The following AKNAD1 variants were observed in gnomAD, a reference collection of about 807,000 sequenced individuals.
The protein encoded by AKNAD1 is protein AKNAD1.
A neutral mutation model predicts 90.8 loss-of-function variants in AKNAD1; 67 were observed. The observed-to-expected ratio is 0.74, with a 90% CI of 0.61 to 0.90. The LOEUF is 0.90. Ranked by LOEUF, AKNAD1 falls within the 40% of genes least tolerant of loss-of-function variation. The pLI, the probability that AKNAD1 is intolerant of heterozygous loss-of-function variation, is 0.00. For missense variants in AKNAD1, 957 were observed against 975.4 expected (o/e 0.98, Z 0.25); for synonymous variants, 327 against 341.4 (o/e 0.96, Z 0.46).
intron 1 of AKNAD1, 22 bp from the exon 2 acceptor site, chr1:108,852,789 T>G (rs934522915): frequency 1.2e-6 from 1 of 814,716 alleles, no homozygotes; most frequent in Non-Finnish European, 1.8e-6. Context: ...GAGAACAGCC[T>G]CATTGTTAAA....
chr1:108,850,227 A>G (rs1664809683), intron 2 of AKNAD1, among the ~76,000 whole-genome samples: 1 of 152,216 alleles, frequency 6.6e-6, no homozygotes. Context: ...CTAGTGCTGG[A>G]GAGCTGGTCA....
At chr1:108,839,100 C>T (rs1277827549) in intron 6 of AKNAD1, among the ~76,000 whole-genome samples, 1 of 152,124 alleles carries the variant, frequency 6.6e-6, no homozygotes, top group East Asian at 1.9e-4. Flanking sequence ...CCCCGAAGCA[C>T]GTGTATAGAA....
intron 6 of AKNAD1, among the ~76,000 whole-genome samples, chr1:108,840,311 C>T (rs1664512655): frequency 6.6e-6 from 1 of 152,112 alleles, no homozygotes; most frequent in Non-Finnish European, 1.5e-5. Flanking sequence ...CTTCCTATGA[C>T]ATCAATTAGA....
chr1:108,839,227 T>C (rs1165740098), intron 6 of AKNAD1, among the ~76,000 whole-genome samples: 1 of 152,176 alleles, frequency 6.6e-6, no homozygotes, highest in Non-Finnish European at 1.5e-5. Flanking sequence ...AGTTCACGCC[T>C]GTAATCCCAG....
rs371821047 is a variant in AKNAD1 at position 108,835,783 on chromosome 1, C to A, written c.1537-727G>T. On this transcript the variant is annotated intron_variant, in intron 7 of 15. Coordinates refer to ENST00000370001, the MANE Select transcript of AKNAD1 (RefSeq NM_152763.5). ...GGGATTACAGGCGCCCGCCACCACG[C>A]CCGGCTAATTTTTTGTATCTTTAGT... 2.1e-3 allele frequency among the ~76,000 whole-genome samples: 314 copies of A among 151,496 alleles called. 1 individual carries two copies. The highest frequency in any genetic ancestry group is 0.012 in the South Asian group (59 of 4,792).
intron 6 of AKNAD1, among the ~76,000 whole-genome samples, chr1:108,840,958 G>A (rs1005473419): frequency 2.6e-5 from 4 of 152,118 alleles, no homozygotes; most frequent in Non-Finnish European, 5.9e-5. Flanking sequence ...ATCACTTTAG[G>A]TCAGGAGTTC....
Position 108,830,660 on chromosome 1 carries a change from A to T in AKNAD1, c.1747-10T>A. On this transcript the variant is annotated splice_polypyrimidine_tract_variant and intron_variant, in intron 9 of 15. Transcript: ENST00000370001. ...TGCCGTTGGGATCCTCCTGCGCCAC[A>T]AAGCACACAGATGGAGATGTGATAG... 1 of 1,613,890 alleles carries T rather than the reference A, an allele frequency of 6.2e-7. No individual in the cohort carries two copies. Among genetic ancestry groups the T allele is most frequent in the Non-Finnish European group, 8.5e-7 (1 of 1,179,882 alleles).
chr1:108,849,539 G>T lies in AKNAD1; in HGVS notation c.1031C>A (p.Thr344Lys). 2 of 1,581,114 alleles carry T rather than the reference G, an allele frequency of 1.3e-6. No homozygotes were observed. Among genetic ancestry groups the T allele is most frequent in the East Asian group, 2.2e-5 (1 of 44,728 alleles). ...AAGAAGTTTTAAAACATTAGTACCT[G>T]TGAGAAGTTCTTGGTGGATATGTAC... ...PIVHIHQELLTGIESEASLSK... is the reference protein window; with the variant it reads ...PIVHIHQELLKGIESEASLSK... The change falls in exon 3 of 16, where the codon ACA (threonine) becomes AAA (lysine). Residue 344 changes from threonine to lysine, a missense_variant and splice_region_variant. Thr to Lys is a moderately conservative substitution (Grantham distance 78). Transcript: ENST00000370001.
intron 5 of AKNAD1, among the ~76,000 whole-genome samples, chr1:108,843,885 G>A (rs1664627061): frequency 6.6e-6 from 1 of 152,156 alleles, no homozygotes; most frequent in South Asian, 2.1e-4. Flanking sequence ...TTTAAACTGT[G>A]CGGGTTAGGG....
intron 10 of AKNAD1, 25 bp downstream of exon 10, chr1:108,830,534 G>C (rs1664157931): frequency 6.2e-7 from 1 of 1,610,676 alleles, no homozygotes; most frequent in Admixed American, 1.7e-5. Context: ...TCCACCCTGG[G>C]AATGTAGCCA....
intron 6 of AKNAD1, among the ~76,000 whole-genome samples, chr1:108,841,921 C>T (rs1380143743): frequency 6.6e-6 from 1 of 152,078 alleles, no homozygotes; most frequent in Non-Finnish European, 1.5e-5. Flanking sequence ...TATACTCATG[C>T]CAGGCACAGT....
chr1:108,847,213 G>T (rs1440435222), intron 5 of AKNAD1, among the ~76,000 whole-genome samples: 1 of 152,056 alleles, frequency 6.6e-6, no homozygotes, highest in Non-Finnish European at 1.5e-5. Context: ...TTGGGAGACC[G>T]AGGCAGGTGG....
rs754520529 is a variant in AKNAD1, at chr1:108,820,599, G to A, written c.2195C>T (p.Ser732Phe). The A allele has an allele frequency of 6.2e-7, 1 of 1,611,228 alleles. No individual in the cohort carries two copies. Among genetic ancestry groups the A allele is most frequent in the Non-Finnish European group, 8.5e-7 (1 of 1,178,120 alleles). Residue 732 changes from serine (S) to phenylalanine (F), a missense_variant, in exon 14 of 16, where the codon TCT becomes TTT. Coordinates refer to ENST00000370001, the MANE Select transcript of AKNAD1 (RefSeq NM_152763.5). ...PSFLKPKRIC[S>F]QRVNSKSFKG... Reference sequence around the variant, plus strand: ...AAAGGATTTTGAATTCACTCTCTGAGAACAGATCCGTTTGGGTTTTAAAAA... The same window carrying A: ...AAAGGATTTTGAATTCACTCTCTGAAAACAGATCCGTTTGGGTTTTAAAAA...
At chr1:108,825,058 G>C (rs1406287089) in intron 11 of AKNAD1, among the ~76,000 whole-genome samples, 4 of 151,622 alleles carry the variant, frequency 2.6e-5, no homozygotes, top group Non-Finnish European at 5.9e-5. Flanking sequence ...CACTCAAGCA[G>C]CCTATTGGAG....
Position 108,816,070 on chromosome 1 carries a change from G to A in AKNAD1, c.*101C>T, listed in dbSNP as rs977565311. On this transcript the variant is annotated 3_prime_UTR_variant, in exon 16 of 16. Coordinates refer to ENST00000370001, the MANE Select transcript of AKNAD1 (RefSeq NM_152763.5). The stretch of plus-strand genomic sequence containing the variant: ...ATGGTTTCTGTGTTTTCTCTAGAAA[G>A]TCATCTTCCTAAATTGTGTAGTAAG... The A allele has an allele frequency of 6.4e-6, 8 of 1,251,436 alleles. No homozygotes were observed. In the African/African-American group the frequency reaches 1.2e-4, roughly 19 times the overall value. The allele number at this position is 1,251,436 out of a possible 1,614,324, so 77.5% of individuals were successfully genotyped here.
Position 108,833,562 on chromosome 1 carries a change from A to G in AKNAD1, c.1746+885T>C, listed in dbSNP as rs6688178. On this transcript the variant is annotated intron_variant, in intron 9 of 15. Coordinates refer to ENST00000370001, the MANE Select transcript of AKNAD1 (RefSeq NM_152763.5). ...CGCACCATTGCACTCCAGCCTGGACAACAAAGCGAGACTGTCTCAAAAAAA... is the reference window on the plus strand; with the variant it reads ...CGCACCATTGCACTCCAGCCTGGACGACAAAGCGAGACTGTCTCAAAAAAA... Among the ~76,000 whole-genome samples, 1,413 of 152,110 alleles carry G rather than the reference A, an allele frequency of 9.3e-3. 28 individuals are homozygous for G. The highest frequency in any genetic ancestry group is 0.033 in the African/African-American group (1,356 of 41,474).
intron 9 of AKNAD1, among the ~76,000 whole-genome samples, chr1:108,831,668 G>T (rs1217171948): frequency 2.0e-5 from 3 of 149,160 alleles, no homozygotes; most frequent in Non-Finnish European, 4.5e-5. Flanking sequence ...TTTTGAGACG[G>T]AGTCTCACTC....
chr1:108,852,431 T>C lies in AKNAD1; in HGVS notation c.234A>G (p.Glu78=). The C allele has an allele frequency of 6.2e-7, 1 of 1,613,760 alleles. No homozygotes were observed. Among genetic ancestry groups the C allele is most frequent in the Non-Finnish European group, 8.5e-7 (1 of 1,179,908 alleles). Reference sequence around the variant, plus strand: ...TCTCGTCTTTTTTGTTGGCAGCATTTTCAGTAATTTTACCCAGGGGTATGG... The same window carrying C: ...TCTCGTCTTTTTTGTTGGCAGCATTCTCAGTAATTTTACCCAGGGGTATGG... ...AVTIPLGKIT[E]NAANKKDEKE... is the part of the protein sequence containing the mutation. The change falls in exon 2 of 16, where the codon GAA becomes GAG. Residue 78 remains glutamate (E), a synonymous_variant. Transcript: ENST00000370001.
chr1:108,851,725 T>C lies in AKNAD1; in HGVS notation c.940A>G (p.Lys314Glu). ...ETTPESNCVE[K>E]QHQEQKGKIT... ...TTCCCTTTCTGCTCTTGATGTTGTT[T>C]TTCAACACAGTTTGACTCAGGCGTG... is the stretch of plus-strand genomic sequence containing the variant. Residue 314 changes from lysine to glutamate, a missense_variant, in exon 2 of 16, where the codon AAA (lysine) becomes GAA (glutamate). Transcript: ENST00000370001. 6.2e-7 allele frequency: 1 copy of C among 1,603,412 alleles called. No homozygotes were observed. Among genetic ancestry groups the C allele is most frequent in the South Asian group, 1.1e-5 (1 of 88,816 alleles).
Sources: allele counts gnomAD v4.1 joint callset (sites outside exome capture counted in the v4.1 genomes callset), GRCh38; gene constraint gnomAD v4.1.1; transcripts MANE v1.5; gene names NCBI Gene and HGNC (gene_info 2026-07-23, HGNC 2026-07-21).